CCL3: variants seen among roughly 807,000 people sequenced by gnomAD.
CCL3 encodes C-C motif chemokine 3.
In CCL3, 6 loss-of-function variants were observed where a neutral mutation model predicts 8.1. The ratio of observed to expected loss-of-function variants is 0.74; its 90% CI spans 0.41 to 1.46. The LOEUF (loss-of-function observed/expected upper bound fraction) is 1.46. CCL3 is among the 40% of genes most tolerant of loss of function. CCL3 has a pLI of 0.02. For synonymous variants in CCL3, 45 were observed against 45.1 expected (o/e 1.00, Z 0.01); for missense variants, 109 against 117.7 (o/e 0.93, Z 0.34).
rs550510502 is a variant in CCL3 at position 36,089,799 on chromosome 17, T to G, written c.73+187A>C. ...CTGCCCCTGCCTAGATTCTCATACC[T>G]GGAGACTAGGGGGCTAAGACCCCTT... On this transcript the variant is annotated intron_variant, in intron 1 of 2. Coordinates refer to ENST00000613922, the MANE Select transcript of CCL3 (RefSeq NM_002983.3). 5.5e-6 allele frequency: 4 copies of G among 730,672 alleles called. No homozygotes were observed. In the East Asian group the frequency reaches 1.1e-4, roughly 20 times the overall value. The allele number at this position is 730,672 out of a possible 1,614,324, so 45.3% of individuals were successfully genotyped here. A position where few individuals can be genotyped will look rare whatever the true frequency, so the allele number is the denominator to read the frequency against.
At chr17:36,089,734 G>T in intron 1 of CCL3, 2 of 701,888 alleles carry the variant, frequency 2.8e-6, no homozygotes, top group Middle Eastern at 2.5e-4. Context: ...GATTCGTTTC[G>T]AACCCTGTTT....
chr17:36,088,752 T>G lies in CCL3; in HGVS notation c.199A>C (p.Lys67Gln), dbSNP rs2067010876. 6.2e-7 allele frequency: 1 copy of G among 1,613,742 alleles called. No homozygotes were observed. The highest frequency in any genetic ancestry group is 1.7e-5 in the Admixed American group (1 of 59,998). The change falls in exon 3 of 3, where the codon AAG becomes CAG. Residue 67 changes from lysine (K) to glutamine (Q), a missense_variant. Physicochemically the swap from Lys to Gln is moderately conservative, Grantham distance 53. Coordinates refer to ENST00000613922, the MANE Select transcript of CCL3 (RefSeq NM_002983.3). ...CSKPGVIFLT[K>Q]RSRQVCADPS... Reference sequence around the variant, plus strand: ...TCAGCACAGACCTGCCGGCTTCGCTTGGTTAGGAAGCTGTGGAGAAGGGAG... The same window carrying G: ...TCAGCACAGACCTGCCGGCTTCGCTGGGTTAGGAAGCTGTGGAGAAGGGAG...
intron 1 of CCL3, 95 bp downstream of exon 1, chr17:36,089,891 C>T (rs1363855203): frequency 2.4e-6 from 3 of 1,234,334 alleles, no homozygotes; most frequent in Admixed American, 3.8e-5. Context: ...AAGAAGTTCT[C>T]TTTTCTCTTG....
In CCL3 at chr17:36,090,123, G is replaced by C. The variant is rs902286969; in HGVS notation, c.-65C>G. On this transcript the variant is annotated 5_prime_UTR_variant, in exon 1 of 3. Transcript: ENST00000613922. ...CAGAGCCAAGAAAGGACTGACCACTGTCTGCTGCCCGTGTCCTTCTGAAGT... is the reference window on the plus strand; with the variant it reads ...CAGAGCCAAGAAAGGACTGACCACTCTCTGCTGCCCGTGTCCTTCTGAAGT... 2.7e-6 allele frequency: 4 copies of C among 1,456,894 alleles called. No individual in the cohort carries two copies. Among genetic ancestry groups the C allele is most frequent in the Non-Finnish European group, 3.8e-6 (4 of 1,050,232 alleles). 90.2% of individuals were successfully genotyped at this position (1,456,894 alleles called of 1,614,324 possible). A position where few individuals can be genotyped will look rare whatever the true frequency, so the allele number is the denominator to read the frequency against.
chr17:36,089,746 T>G (rs1598813158), intron 1 of CCL3: 1 of 709,206 alleles, frequency 1.4e-6, no homozygotes, highest in African/African-American at 1.7e-5. Flanking sequence ...ACCCTGTTTT[T>G]CTATCTGTAA....
chr17:36,089,842 A>C lies in CCL3; in HGVS notation c.73+144T>G, dbSNP rs1047982775. On this transcript the variant is annotated intron_variant, in intron 1 of 2. Coordinates refer to ENST00000613922, the MANE Select transcript of CCL3 (RefSeq NM_002983.3). ...GACCCCTTCTAGAGATAAAAATAAA[A>C]GTCTTAAAGAGAAAGACCAAGATGT... 58 of 818,676 alleles carry C rather than the reference A, an allele frequency of 7.1e-5. No individual in the cohort carries two copies. The African/African-American group carries it at 9.3e-4, about 13-fold the overall frequency. The allele number at this position is 818,676 out of a possible 1,614,324, so 50.7% of individuals were successfully genotyped here. A position where few individuals can be genotyped will look rare whatever the true frequency, so the allele number is the denominator to read the frequency against.
chr17:36,088,881 G>A, intron 2 of CCL3, 119 bp from the exon 3 acceptor site: 1 of 1,379,820 alleles, frequency 7.2e-7, no homozygotes, highest in Non-Finnish European at 1.0e-6. Flanking sequence ...TCCTCTTTCA[G>A]GGGCCCCCTG....
intron 2 of CCL3, 99 bp from the exon 3 acceptor site, chr17:36,088,861 C>T: frequency 6.6e-7 from 1 of 1,512,294 alleles, no homozygotes; most frequent in Admixed American, 1.7e-5. Flanking sequence ...CTGGGCAGCT[C>T]AGGGCTTGCT....
intron 2 of CCL3, among the ~76,000 whole-genome samples, 159 bp from the exon 3 acceptor site, chr17:36,088,921 TGAC>T (rs1295223238): frequency 1.3e-5 from 2 of 151,670 alleles, no homozygotes; most frequent in Non-Finnish European, 2.9e-5. Context: ...CTTCTCTCAG[TGAC>T]TCAGTAGGGG....
At position 36,088,671 on chromosome 17, in the gene CCL3, C is replaced by T. The variant is rs1315314611; in HGVS notation, c.*1G>A. The T allele has an allele frequency of 1.9e-6, 3 of 1,613,310 alleles. No homozygotes were observed. Among genetic ancestry groups the T allele is most frequent in the Admixed American group, 3.3e-5 (2 of 60,012 alleles). ...GCTGGGCCTCGAAGCTTCTGGACCC[C>T]TCAGGCACTCAGCTCCAGGTCGCTG... On this transcript the variant is annotated 3_prime_UTR_variant, in exon 3 of 3. Coordinates refer to ENST00000613922, the MANE Select transcript of CCL3 (RefSeq NM_002983.3).
At chr17:36,089,875 C>A (rs1474059094) in intron 1 of CCL3, 111 bp downstream of exon 1, 1 of 1,016,782 alleles carries the variant, frequency 9.8e-7, no homozygotes, top group Non-Finnish European at 1.5e-6. Flanking sequence ...TGTTTGGCAG[C>A]CCTTTAAGAA....
intron 1 of CCL3, 159 bp from the exon 2 acceptor site, chr17:36,089,456 T>C: frequency 1.3e-6 from 1 of 770,668 alleles, no homozygotes; most frequent in Non-Finnish European, 2.2e-6. Flanking sequence ...TGTTTCTGTC[T>C]GTATCCTTCT....
intron 2 of CCL3, 45 bp from the exon 3 acceptor site, chr17:36,088,807 G>A: frequency 6.2e-7 from 1 of 1,609,320 alleles, no homozygotes; most frequent in Non-Finnish European, 8.5e-7. Context: ...AATCCAGCAG[G>A]GGAATCCTGG....
At position 36,088,376 on chromosome 17, in the gene CCL3, A is replaced by C. The variant is rs1210592191; in HGVS notation, c.*296T>G. On this transcript the variant is annotated 3_prime_UTR_variant, in exon 3 of 3. Transcript: ENST00000613922. ...GTGCCATGACTGCCTACACAGGCTG[A>C]TGACAGCCACTCGGTTGTCACCAGA... 108 of 443,146 alleles carry C rather than the reference A, an allele frequency of 2.4e-4. No individual in the cohort carries two copies. The highest frequency in any genetic ancestry group is 4.1e-4 in the Non-Finnish European group (101 of 246,614). 27.5% of individuals were successfully genotyped at this position (443,146 alleles called of 1,614,324 possible). A position where few individuals can be genotyped will look rare whatever the true frequency, so the allele number is the denominator to read the frequency against.
chr17:36,090,139 C>T lies in CCL3; in HGVS notation c.-81G>A, dbSNP rs1598813759. The T allele has an allele frequency of 2.2e-6, 3 of 1,351,882 alleles. No homozygotes were observed. Among genetic ancestry groups the T allele is most frequent in the South Asian group, 2.5e-5 (2 of 80,644 alleles). 83.7% of individuals were successfully genotyped at this position (1,351,882 alleles called of 1,614,324 possible). Reference sequence around the variant, plus strand: ...CTGACCACTGTCTGCTGCCCGTGTCCTTCTGAAGTCTGAAACCAGCTCTCC... The same window carrying T: ...CTGACCACTGTCTGCTGCCCGTGTCTTTCTGAAGTCTGAAACCAGCTCTCC... On this transcript the variant is annotated 5_prime_UTR_variant, in exon 1 of 3. Transcript: ENST00000613922.
In CCL3 at chr17:36,088,473, G is replaced by A. The variant is rs1049191; in HGVS notation, c.*199C>T. 1.3e-5 allele frequency: 8 copies of A among 619,670 alleles called. No homozygotes were observed. The highest frequency in any genetic ancestry group is 4.3e-5 in the South Asian group (2 of 47,044). 38.4% of individuals were successfully genotyped at this position (619,670 alleles called of 1,614,324 possible). A position where few individuals can be genotyped will look rare whatever the true frequency, so the allele number is the denominator to read the frequency against. On this transcript the variant is annotated 3_prime_UTR_variant, in exon 3 of 3. Coordinates refer to ENST00000613922, the MANE Select transcript of CCL3 (RefSeq NM_002983.3). The stretch of plus-strand genomic sequence containing the variant: ...ACAATCACAAACACACTGTGAAATC[G>A]AAAATAAATTACAAAAACTAAATAG...
intron 2 of CCL3, 58 bp downstream of exon 2, chr17:36,089,125 T>G (rs2067017254): frequency 6.2e-7 from 1 of 1,607,494 alleles, no homozygotes; most frequent in East Asian, 2.2e-5. Flanking sequence ...GGCCTGTCTC[T>G]GCCCCAACCC....
intron 2 of CCL3, 140 bp from the exon 3 acceptor site, chr17:36,088,902 T>C: frequency 8.9e-7 from 1 of 1,129,446 alleles, no homozygotes; most frequent in African/African-American, 1.5e-5. Flanking sequence ...CCTATCTCTG[T>C]CTAGAGAGCT....
At chr17:36,089,364 C>T in intron 1 of CCL3, 67 bp from the exon 2 acceptor site, 1 of 1,607,484 alleles carries the variant, frequency 6.2e-7, no homozygotes, top group Non-Finnish European at 8.5e-7. Context: ...AGCTTCTGAT[C>T]CCCGAGCAGT....
Sources: allele counts gnomAD v4.1 joint callset (sites outside exome capture counted in the v4.1 genomes callset), GRCh38; gene constraint gnomAD v4.1.1; transcripts MANE v1.5; gene names NCBI Gene and HGNC (gene_info 2026-07-23, HGNC 2026-07-21).